The following P4HA2 variants were observed in gnomAD, a reference collection of about 807,000 sequenced individuals.
P4HA2 encodes the protein prolyl 4-hydroxylase subunit alpha-2.
Under a neutral mutation model 76.9 loss-of-function variants are expected in P4HA2, and 46 were observed. The ratio of observed to expected loss-of-function variants is 0.60; its 90% CI spans 0.47 to 0.76. The LOEUF (loss-of-function observed/expected upper bound fraction) is 0.76. Ranked by LOEUF, P4HA2 falls within the 30% of genes least tolerant of loss-of-function variation. The pLI, the probability that P4HA2 is intolerant of heterozygous loss-of-function variation, is 0.00. For missense variants in P4HA2, 583 were observed against 669.4 expected, an observed-to-expected ratio of 0.87 and a Z score of 1.42; for synonymous variants, 243 against 254.0, an observed-to-expected ratio of 0.96 and a Z score of 0.41.
chr5:132,196,368 T>C (rs1381076443), intron 12 of P4HA2, among the ~76,000 whole-genome samples: 1 of 152,188 alleles, frequency 6.6e-6, no homozygotes, highest in Admixed American at 6.5e-5. Context: ...ACCAGCCTTT[T>C]TCTACCTTTC....
chr5:132,220,933 A>G (rs1166054632), intron 1 of P4HA2, among the ~76,000 whole-genome samples: 2 of 152,232 alleles, frequency 1.3e-5, no homozygotes, highest in Non-Finnish European at 2.9e-5. Flanking sequence ...TCCAAGCAGC[A>G]GCTCCCAGAC....
intron 10 of P4HA2, chr5:132,202,366 G>C (rs1486235692): frequency 6.6e-6 from 1 of 152,134 alleles, no homozygotes; most frequent in East Asian, 1.9e-4. Context: ...CAAAAAGAAG[G>C]CTGATTTGCT....
intron 14 of P4HA2, 45 bp from the exon 15 acceptor site, chr5:132,193,125 A>C: frequency 7.3e-7 from 1 of 1,378,594 alleles, no homozygotes; most frequent in Non-Finnish European, 1.0e-6. Flanking sequence ...TGGTCAGTTT[A>C]GTAGCCTGAA....
intron 14 of P4HA2, chr5:132,193,328 C>T (rs1750130684): frequency 3.1e-6 from 1 of 323,992 alleles, no homozygotes; most frequent in African/African-American, 2.2e-5. Context: ...CACCCAAGGG[C>T]ATCTAATCAT....
intron 10 of P4HA2, chr5:132,202,276 GGTA>G (rs1453922571): frequency 3.9e-5 from 6 of 152,080 alleles, no homozygotes; most frequent in African/African-American, 1.4e-4. Context: ...TTAAAACTCT[GGTA>G]GACTTCACAC....
intron 12 of P4HA2, 66 bp downstream of exon 12, chr5:132,198,255 G>A (rs1285736163): frequency 1.9e-6 from 3 of 1,614,116 alleles, no homozygotes; most frequent in Non-Finnish European, 2.5e-6. Context: ...ATGCTTGAAA[G>A]TATCTCGCTC....
chr5:132,195,052 T>C (rs767711863), intron 13 of P4HA2, 30 bp from the exon 14 acceptor site: 13 of 1,411,540 alleles, frequency 9.2e-6, no homozygotes, highest in Non-Finnish European at 1.2e-5. Context: ...TCAGAACACA[T>C]TCTTAAGAGA....
At chr5:132,223,320 T>A (rs1358071274) in intron 1 of P4HA2, among the ~76,000 whole-genome samples, 1 of 152,246 alleles carries the variant, frequency 6.6e-6, no homozygotes, top group Admixed American at 6.5e-5. Flanking sequence ...TGGAGTGCAG[T>A]GGCACAATAT....
At chr5:132,202,223 T>A (rs1201771964) in intron 10 of P4HA2, 6 of 152,036 alleles carry the variant, frequency 3.9e-5, no homozygotes, top group African/African-American at 1.4e-4. Flanking sequence ...GAAAAAAAAA[T>A]TAAAATTTCA....
intron 11 of P4HA2, 151 bp from the exon 12 acceptor site, chr5:132,198,531 T>C: frequency 4.0e-6 from 3 of 757,760 alleles, no homozygotes; most frequent in Non-Finnish European, 6.7e-6. Context: ...AAATTCTGGC[T>C]AGGGCATGGA....
chr5:132,225,098 G>A (rs911165217), intron 1 of P4HA2, among the ~76,000 whole-genome samples: 2 of 147,870 alleles, frequency 1.4e-5, no homozygotes, highest in Non-Finnish European at 3.0e-5. Context: ...TTCCATGTCC[G>A]TAACACAAAG....
At chr5:132,202,342 C>CA (rs1751615402) in intron 10 of P4HA2, 1 of 151,738 alleles carries the variant, frequency 6.6e-6, no homozygotes, top group African/African-American at 2.4e-5. Flanking sequence ...GATGCAGCTA[C>CA]ACAGAAAAAA....
chr5:132,214,031 C>T lies in P4HA2; in HGVS notation c.354G>A (p.Val118=), dbSNP rs1351638136. The T allele has an allele frequency of 6.2e-7, 1 of 1,614,084 alleles. No homozygotes were observed. The highest frequency in any genetic ancestry group is 1.7e-5 in the Admixed American group (1 of 60,000). ...SAAGFIANLS[V]QRQFFPTDED... ...CATCAGTGGGGAAGAACTGCCGCTG[C>T]ACAGAGAGGTTGGCGATAAAACCTT... The change falls in exon 5 of 15, where the codon GTG becomes GTA. Residue 118 remains valine (V), a synonymous_variant. Coordinates refer to ENST00000360568, the MANE Select transcript of P4HA2 (RefSeq NM_001017974.2).
chr5:132,194,592 G>T (rs1750334299), intron 14 of P4HA2, among the ~76,000 whole-genome samples: 1 of 151,374 alleles, frequency 6.6e-6, no homozygotes, highest in South Asian at 2.1e-4. Flanking sequence ...GTTTGCCTGA[G>T]ACACTCTTTC....
chr5:132,203,899 T>A (rs1751845951), intron 9 of P4HA2, 52 bp from the exon 10 acceptor site: 1 of 1,383,368 alleles, frequency 7.2e-7, no homozygotes, highest in South Asian at 1.2e-5. Flanking sequence ...CAGGCTTCCA[T>A]GAGGTCCTGA....
intron 8 of P4HA2, 64 bp from the exon 9 acceptor site, chr5:132,204,216 TC>T (rs1007854577): frequency 7.5e-7 from 1 of 1,330,900 alleles, no homozygotes; most frequent in African/African-American, 1.4e-5. Flanking sequence ...TTGAATATTT[TC>T]CCAGAGAGCA....
intron 8 of P4HA2, 36 bp from the exon 9 acceptor site, chr5:132,204,188 T>C (rs754909883): frequency 1.7e-5 from 26 of 1,506,952 alleles, no homozygotes; most frequent in Middle Eastern, 1.7e-4. Context: ...CTTGATTTGT[T>C]TGTTTGTTTG....
intron 8 of P4HA2, among the ~76,000 whole-genome samples, chr5:132,204,913 G>A (rs143714844): frequency 2.2e-4 from 34 of 152,320 alleles, no homozygotes; most frequent in African/African-American, 6.7e-4. Context: ...GGGACTCGCC[G>A]CCCAGAGCCA....
In P4HA2 at chr5:132,209,130, C is replaced by T. The variant is rs764061335; in HGVS notation, c.903+8G>A. ...GCTTTGGCACCCTAGCCCCCTCACA[C>T]ATCTCACCAGTTTGACACCCTCCCC... On this transcript the variant is annotated splice_region_variant and intron_variant, in intron 7 of 14. Transcript: ENST00000360568. 28 of 1,607,818 alleles carry T rather than the reference C, an allele frequency of 1.7e-5. No homozygotes were observed. In the Admixed American group the frequency reaches 3.7e-4, roughly 21 times the overall value.
Sources: allele counts gnomAD v4.1 joint callset (sites outside exome capture counted in the v4.1 genomes callset), GRCh38; gene constraint gnomAD v4.1.1; transcripts MANE v1.5; gene names NCBI Gene and HGNC (gene_info 2026-07-23, HGNC 2026-07-21).